The following FBLN7 variants were observed in gnomAD, a reference collection of about 807,000 sequenced individuals.
The protein encoded by FBLN7 is fibulin-7.
In FBLN7, 31 loss-of-function variants were observed where a neutral mutation model predicts 44.0. The ratio of observed to expected loss-of-function variants is 0.70; its 90% CI spans 0.53 to 0.95. FBLN7 has a LOEUF of 0.95. Ranked by LOEUF, FBLN7 falls within the 40% of genes least tolerant of loss-of-function variation. The probability of loss-of-function intolerance (pLI) is 0.00; values close to 1 mark genes in which losing one functional copy is unlikely to be tolerated. For missense variants in FBLN7, 573 were observed against 618.5 expected, an observed-to-expected ratio of 0.93 and a Z score of 0.78; for synonymous variants, 262 against 253.4, an observed-to-expected ratio of 1.03 and a Z score of -0.32.
the FBLN7 span, among the ~76,000 whole-genome samples, chr2:112,224,013 C>T: frequency 6.6e-6 from 1 of 152,040 alleles, no homozygotes; most frequent in South Asian, 2.1e-4. Flanking sequence ...GTGGTAGGTG[C>T]CTGTAATCCC....
chr2:112,145,816 T>C (rs1182898710), intron 1 of FBLN7, among the ~76,000 whole-genome samples: 1 of 152,230 alleles, frequency 6.6e-6, no homozygotes, highest in African/African-American at 2.4e-5. Flanking sequence ...ACACTTGCCT[T>C]AGCAACTTTG....
the FBLN7 span, among the ~76,000 whole-genome samples, chr2:112,230,263 T>G: frequency 6.6e-6 from 1 of 152,204 alleles, no homozygotes; most frequent in African/African-American, 2.4e-5. Flanking sequence ...TCTACACAGT[T>G]TGTAGGAGTA....
At chr2:112,138,937 T>C (rs1161524283) in intron 1 of FBLN7, among the ~76,000 whole-genome samples, 1 of 119,444 alleles carries the variant, frequency 8.4e-6, no homozygotes. Flanking sequence ...TCCACGCCAG[T>C]GTCCCTCCCG....
At chr2:112,240,295 A>G in the FBLN7 span, 1 of 152,254 alleles carries the variant, frequency 6.6e-6, no homozygotes, top group Non-Finnish European at 1.5e-5. Context: ...AACATGGCCT[A>G]CAAAGGTGAA....
At chr2:112,203,694 G>C in the FBLN7 span, among the ~76,000 whole-genome samples, 1 of 152,162 alleles carries the variant, frequency 6.6e-6, no homozygotes, top group African/African-American at 2.4e-5. Flanking sequence ...GGACATACCT[G>C]AGACTGGGAA....
intron 1 of FBLN7, among the ~76,000 whole-genome samples, chr2:112,156,036 C>T (rs1176648239): frequency 2.0e-5 from 3 of 152,228 alleles, no homozygotes; most frequent in Non-Finnish European, 2.9e-5. Flanking sequence ...CAGCTCGTAG[C>T]GCAGGAGGCA....
At chr2:112,239,579 CT>C in the FBLN7 span, among the ~76,000 whole-genome samples, 1,714 of 86,406 alleles carry the variant, frequency 0.02, 9 homozygotes, top group African/African-American at 0.057. Flanking sequence ...TAACAGTTTA[CT>C]TTTTTTTTTT....
chr2:112,194,976 G>T, the FBLN7 span, among the ~76,000 whole-genome samples: 3 of 152,224 alleles, frequency 2.0e-5, no homozygotes, highest in Admixed American at 6.5e-5. Flanking sequence ...AAGGTCAGAA[G>T]TTGGGGGAAA....
chr2:112,186,288 C>T (rs554471291), intron 7 of FBLN7, among the ~76,000 whole-genome samples: 1 of 152,238 alleles, frequency 6.6e-6, no homozygotes, highest in South Asian at 2.1e-4. Context: ...ATATCGAAAG[C>T]ATTTCCACAA....
Position 112,187,562 on chromosome 2 carries a change from G to T in FBLN7, c.*56G>T, listed in dbSNP as rs758963384. ...CTGACCTCATTTCTCTTCCCCGAAG[G>T]CTCAGCTTCGGGCACCGACTGCGTG... On this transcript the variant is annotated 3_prime_UTR_variant, in exon 8 of 8. Transcript: ENST00000331203. The surrounding 1 kb of genome is among the most constrained non-coding windows in gnomAD (Gnocchi z 5.1). The T allele has an allele frequency of 6.3e-7, 1 of 1,577,972 alleles. No homozygotes were observed. Among genetic ancestry groups the T allele is most frequent in the African/African-American group, 1.3e-5 (1 of 74,378 alleles).
At chr2:112,142,816 G>A (rs1680718218) in intron 1 of FBLN7, among the ~76,000 whole-genome samples, 1 of 152,172 alleles carries the variant, frequency 6.6e-6, no homozygotes, top group South Asian at 2.1e-4. Flanking sequence ...GTGTGGTTGT[G>A]TGTACACACC....
the FBLN7 span, among the ~76,000 whole-genome samples, chr2:112,223,117 G>C: frequency 4.6e-5 from 7 of 152,050 alleles, no homozygotes; most frequent in African/African-American, 1.7e-4. Context: ...CGTGGGGTGG[G>C]GGAGTGGGGA....
At chr2:112,236,264 A>G in the FBLN7 span, among the ~76,000 whole-genome samples, 1 of 152,194 alleles carries the variant, frequency 6.6e-6, no homozygotes, top group Admixed American at 6.5e-5. Context: ...AAAAAAATAT[A>G]TGTATAACAA....
intron 1 of FBLN7, among the ~76,000 whole-genome samples, chr2:112,150,037 T>C (rs1574447): frequency 0.44 from 67,283 of 151,586 alleles, 15,123 homozygotes; most frequent in Middle Eastern, 0.64. Flanking sequence ...GGGATATTGG[T>C]GGTGACTGGG....
chr2:112,222,630 C>T, the FBLN7 span, among the ~76,000 whole-genome samples: 8 of 151,744 alleles, frequency 5.3e-5, no homozygotes, highest in Admixed American at 5.3e-4. Context: ...AAATGTCTGT[C>T]AAAAAGGACA....
intron 1 of FBLN7, among the ~76,000 whole-genome samples, chr2:112,140,919 A>G (rs1266338020): frequency 6.6e-6 from 1 of 152,120 alleles, no homozygotes; most frequent in African/African-American, 2.4e-5. Flanking sequence ...ATTTGTTCGA[A>G]TCTCACCGGA....
Position 112,187,514 on chromosome 2 carries a change from C to G in FBLN7, c.*8C>G. On this transcript the variant is annotated 3_prime_UTR_variant, in exon 8 of 8. Transcript: ENST00000331203. The surrounding 1 kb of genome is among the most constrained non-coding windows in gnomAD (Gnocchi z 5.1). ...TCCCCCTATGACTTCTGAGGGTACA[C>G]AGGGGCACTGGGGTGTGGAGAGCTG... 1 of 1,613,336 alleles carries G rather than the reference C, an allele frequency of 6.2e-7. No homozygotes were observed. The highest frequency in any genetic ancestry group is 8.5e-7 in the Non-Finnish European group (1 of 1,179,518).
Position 112,187,650 on chromosome 2 carries a change from G to A in FBLN7, c.*144G>A, listed in dbSNP as rs1443936538. 30 of 1,091,842 alleles carry A rather than the reference G, an allele frequency of 2.7e-5. No homozygotes were observed. Among genetic ancestry groups the A allele is most frequent in the East Asian group, 4.8e-5 (2 of 41,648 alleles). 67.6% of individuals were successfully genotyped at this position (1,091,842 alleles called of 1,614,324 possible). A position where few individuals can be genotyped will look rare whatever the true frequency, so the allele number is the denominator to read the frequency against. On this transcript the variant is annotated 3_prime_UTR_variant, in exon 8 of 8. Coordinates refer to ENST00000331203, the MANE Select transcript of FBLN7 (RefSeq NM_153214.3). The surrounding 1 kb of genome is among the most constrained non-coding windows in gnomAD (Gnocchi z 5.1). ...CCAGGCTTCTAGGGCAGCGTTGCAC[G>A]GCGCCCCATGGAATAGCACGGAAGA...
At chr2:112,243,206 C>G in the FBLN7 span, among the ~76,000 whole-genome samples, 1 of 152,216 alleles carries the variant, frequency 6.6e-6, no homozygotes. Flanking sequence ...ATTTTGCACA[C>G]TCAAACAGTT....
Sources: gnomAD v4.1 joint callset for allele counts (sites outside exome capture counted in the v4.1 genomes callset) on GRCh38, gnomAD v4.1.1 for gene constraint, Gnocchi (gnomAD v3.1) non-coding constraint, MANE v1.5 for transcripts, NCBI Gene and HGNC (gene_info 2026-07-23, HGNC 2026-07-21) for gene names.